Variants in DPP10 observed in about 807,000 individuals in gnomAD.
The protein encoded by DPP10 is inactive dipeptidyl peptidase 10.
In DPP10, 33 loss-of-function variants were observed where a neutral mutation model predicts 120.9. The ratio of observed to expected loss-of-function variants is 0.27; its 90% CI spans 0.21 to 0.37. DPP10 has a LOEUF of 0.37. Among genes scored for constraint, DPP10 ranks in the 10% least tolerant of loss-of-function variants. The pLI, the probability that DPP10 is intolerant of heterozygous loss-of-function variation, is 1.00. For synonymous variants in DPP10, 337 were observed against 326.1 expected (o/e 1.03, Z -0.36); for missense variants, 816 against 942.8 (o/e 0.87, Z 1.76).
chr2:115,833,816 A>G lies in DPP10; in HGVS notation c.1951-2341A>G, dbSNP rs150654770. Among the ~76,000 whole-genome samples, 23 of 152,288 alleles carry G rather than the reference A, an allele frequency of 1.5e-4. No individual in the cohort carries two copies. In the East Asian group the frequency reaches 4.4e-3, roughly 29 times the overall value. Reference sequence around the variant, plus strand: ...CATTATGTGTAGGTAAATATCCCTAAATTTTAAAAGAATCCAAAAATCGGA... The same window carrying G: ...CATTATGTGTAGGTAAATATCCCTAGATTTTAAAAGAATCCAAAAATCGGA... On this transcript the variant is annotated intron_variant, in intron 21 of 25. Coordinates refer to ENST00000410059, the MANE Select transcript of DPP10 (RefSeq NM_020868.6).
At chr2:115,660,227 A>C (rs547671553) in intron 5 of DPP10, among the ~76,000 whole-genome samples, 43 of 152,262 alleles carry the variant, frequency 2.8e-4, no homozygotes, top group Non-Finnish European at 5.1e-4. Context: ...ATAAACTCCA[A>C]CTATGGTAAT....
intron 10 of DPP10, among the ~76,000 whole-genome samples, chr2:115,751,419 A>C (rs990969084): frequency 6.6e-6 from 1 of 152,154 alleles, no homozygotes; most frequent in Non-Finnish European, 1.5e-5. Flanking sequence ...TGCATATTTG[A>C]TTCAATGTTG....
At chr2:114,549,663 CAAAAAAAAA>C (rs869226518) in intron 1 of DPP10, among the ~76,000 whole-genome samples, 1 of 76,494 alleles carries the variant, frequency 1.3e-5, no homozygotes, top group African/African-American at 5.2e-5. Context: ...TGTGTGTCAA[CAAAAAAAAA>C]AAAAAAAAAA....
At chr2:115,805,423 G>A (rs114949069) in intron 19 of DPP10, among the ~76,000 whole-genome samples, 7 of 152,134 alleles carry the variant, frequency 4.6e-5, no homozygotes, top group South Asian at 2.1e-4. Context: ...CACAGGGTGC[G>A]CTGTACCCAC....
chr2:114,651,273 C>T (rs1044013581), intron 1 of DPP10, among the ~76,000 whole-genome samples: 1 of 152,084 alleles, frequency 6.6e-6, no homozygotes, highest in Non-Finnish European at 1.5e-5. Context: ...TGGATCTGCC[C>T]ATATGTTCAA....
At chr2:115,833,909 A>G (rs576443048) in intron 21 of DPP10, among the ~76,000 whole-genome samples, 2 of 152,138 alleles carry the variant, frequency 1.3e-5, no homozygotes, top group Non-Finnish European at 2.9e-5. Flanking sequence ...CTTGCTTTGC[A>G]TAGCTTACCC....
chr2:115,348,609 A>G (rs1358991418), intron 3 of DPP10, among the ~76,000 whole-genome samples: 1 of 152,158 alleles, frequency 6.6e-6, no homozygotes, highest in African/African-American at 2.4e-5. Flanking sequence ...GATAAAATCA[A>G]TCAAGTGCTA....
chr2:115,410,261 A>C (rs2068842335), intron 3 of DPP10, among the ~76,000 whole-genome samples: 1 of 152,254 alleles, frequency 6.6e-6, no homozygotes, highest in South Asian at 2.1e-4. Flanking sequence ...CTGGATTAAG[A>C]AAACGTAATA....
intron 1 of DPP10, among the ~76,000 whole-genome samples, chr2:115,015,467 T>G (rs1191616098): frequency 6.6e-6 from 1 of 152,118 alleles, no homozygotes; most frequent in Non-Finnish European, 1.5e-5. Flanking sequence ...CTCTCACTAC[T>G]CCTATTCAAC....
intron 3 of DPP10, among the ~76,000 whole-genome samples, chr2:115,403,851 G>T (rs1187723743): frequency 1.3e-5 from 2 of 152,036 alleles, no homozygotes; most frequent in Non-Finnish European, 2.9e-5. Flanking sequence ...ACACCTTAAA[G>T]ACATCATAAA....
chr2:115,605,522 G>A (rs2083645675), intron 5 of DPP10, among the ~76,000 whole-genome samples: 1 of 152,044 alleles, frequency 6.6e-6, no homozygotes, highest in African/African-American at 2.4e-5. Context: ...TGTAAGGGAA[G>A]TACTCGGCAT....
chr2:114,847,877 C>A (rs577028673), intron 1 of DPP10, among the ~76,000 whole-genome samples: 1 of 152,050 alleles, frequency 6.6e-6, no homozygotes, highest in African/African-American at 2.4e-5. Context: ...GGCAAACAGA[C>A]CTTGCGTGTA....
chr2:114,689,027 C>T (rs1324876041), intron 1 of DPP10, among the ~76,000 whole-genome samples: 5 of 151,574 alleles, frequency 3.3e-5, no homozygotes, highest in African/African-American at 1.2e-4. Context: ...TTGCTCAGTC[C>T]AGCTTCCCCT....
At chr2:114,782,327 G>A (rs1682403186) in intron 1 of DPP10, among the ~76,000 whole-genome samples, 1 of 121,780 alleles carries the variant, frequency 8.2e-6, no homozygotes, top group Non-Finnish European at 1.7e-5. Context: ...GAAACCTGTG[G>A]AATATATATA....
At chr2:114,758,449 T>C (rs1001709113) in intron 1 of DPP10, among the ~76,000 whole-genome samples, 2 of 152,216 alleles carry the variant, frequency 1.3e-5, no homozygotes, top group Non-Finnish European at 2.9e-5. Flanking sequence ...TAAAATTTCA[T>C]AGCTGTGTTA....
chr2:114,974,358 G>A (rs1222198416), intron 1 of DPP10, among the ~76,000 whole-genome samples: 1 of 151,768 alleles, frequency 6.6e-6, no homozygotes, highest in Non-Finnish European at 1.5e-5. Flanking sequence ...CAGGTTTGTA[G>A]CCTAGGGGCA....
At chr2:114,534,665 C>T (rs1686335392) in intron 1 of DPP10, among the ~76,000 whole-genome samples, 1 of 151,922 alleles carries the variant, frequency 6.6e-6, no homozygotes, top group Admixed American at 6.6e-5. Context: ...ACACCCTCAA[C>T]TGTGCTTGAT....
At chr2:115,776,860 ATG>A (rs778422344) in intron 13 of DPP10, among the ~76,000 whole-genome samples, 15 of 47,306 alleles carry the variant, frequency 3.2e-4, no homozygotes, top group South Asian at 7.8e-4. Flanking sequence ...TTGTTCTAAA[ATG>A]TTTTTTTTTT....
At chr2:114,464,021 G>T (rs1228482740) in intron 1 of DPP10, among the ~76,000 whole-genome samples, 1 of 152,174 alleles carries the variant, frequency 6.6e-6, no homozygotes. Context: ...GGATGTGTCC[G>T]TTTGTTTATC....
Sources: allele counts gnomAD v4.1 joint callset (sites outside exome capture counted in the v4.1 genomes callset), GRCh38; gene constraint gnomAD v4.1.1; transcripts MANE v1.5; gene names NCBI Gene and HGNC (gene_info 2026-07-23, HGNC 2026-07-21).